The following KCNK10 variants were observed in gnomAD, a reference collection of about 807,000 sequenced individuals.
KCNK10 encodes the protein potassium channel subfamily K member 10.
Under a neutral mutation model 47.7 loss-of-function variants are expected in KCNK10, and 25 were observed. The ratio of observed to expected loss-of-function variants is 0.52; its 90% CI spans 0.38 to 0.73. The LOEUF is 0.73. KCNK10 is among the 30% of genes least tolerant of loss of function. The pLI is 0.00. For synonymous variants in KCNK10, 303 were observed against 285.6 expected (o/e 1.06, Z -0.61); for missense variants, 563 against 714.5 (o/e 0.79, Z 2.42).
chr14:88,182,854 G>A lies in KCNK10; in HGVS notation c.*2681C>T, dbSNP rs553734218. The A allele has an allele frequency of 6.6e-6, 1 of 152,336 alleles. No individual in the cohort carries two copies. The highest frequency in any genetic ancestry group is 1.5e-5 in the Non-Finnish European group (1 of 68,038). The allele number at this position is 152,336 out of a possible 1,614,324, so 9.4% of individuals were successfully genotyped here. On this transcript the variant is annotated 3_prime_UTR_variant, in exon 7 of 7. Coordinates refer to ENST00000319231, the MANE Select transcript of KCNK10 (RefSeq NM_138317.3). ...AAGTTAGCAAGTAAAGTGCAAAAGA[G>A]TGCTTTCAAAGGGCATTTTTTAAAG...
intron 1 of KCNK10, among the ~76,000 whole-genome samples, chr14:88,270,135 G>A (rs982224247): frequency 6.6e-6 from 1 of 152,072 alleles, no homozygotes; most frequent in South Asian, 2.1e-4. Context: ...CTCTAGGTCT[G>A]GAATCATTCC....
At chr14:88,321,335 C>T (rs1205844449) in intron 1 of KCNK10, among the ~76,000 whole-genome samples, 1 of 152,234 alleles carries the variant, frequency 6.6e-6, no homozygotes, top group African/African-American at 2.4e-5. Flanking sequence ...CTATCAGACA[C>T]TTTCTTAAAC....
chr14:88,244,725 C>A (rs1886579969), intron 2 of KCNK10, among the ~76,000 whole-genome samples: 1 of 152,034 alleles, frequency 6.6e-6, no homozygotes, highest in Non-Finnish European at 1.5e-5. Context: ...GGAGGGCAGC[C>A]CATTAGAATG....
intron 1 of KCNK10, among the ~76,000 whole-genome samples, chr14:88,304,590 G>T (rs578033520): frequency 6.6e-6 from 1 of 152,276 alleles, no homozygotes; most frequent in East Asian, 1.9e-4. Flanking sequence ...CTTCTTGTTC[G>T]AGCGCTCATG....
chr14:88,234,286 A>C (rs1192474599), intron 3 of KCNK10, among the ~76,000 whole-genome samples: 2 of 152,228 alleles, frequency 1.3e-5, no homozygotes, highest in Non-Finnish European at 2.9e-5. Context: ...GAATACTTTT[A>C]ATAGCTAACA....
At chr14:88,325,832 T>C (rs1260551005), upstream of KCNK10, among the ~76,000 whole-genome samples, 1 of 152,190 alleles carries the variant, frequency 6.6e-6, no homozygotes, top group African/African-American at 2.4e-5. Flanking sequence ...CAAACATTTA[T>C]TGAGCATCAC....
intron 1 of KCNK10, among the ~76,000 whole-genome samples, chr14:88,268,101 T>C (rs932967090): frequency 6.6e-6 from 1 of 152,132 alleles, no homozygotes; most frequent in African/African-American, 2.4e-5. Context: ...CACTAGACTC[T>C]ATGTAAGTCT....
At chr14:88,201,259 C>T (rs1341028018) in intron 4 of KCNK10, among the ~76,000 whole-genome samples, 2 of 152,148 alleles carry the variant, frequency 1.3e-5, no homozygotes. Context: ...GTGTTGTGGA[C>T]AAATAAATGC....
At chr14:88,326,275 A>T (rs115369712), upstream of KCNK10, 1,820 of 661,954 alleles carry the variant, frequency 2.7e-3, 22 homozygotes, top group African/African-American at 0.03. Context: ...CTCCTCCTCA[A>T]CTGCGTATTT....
intron 5 of KCNK10, among the ~76,000 whole-genome samples, chr14:88,189,989 G>A (rs11159844): frequency 2.0e-5 from 3 of 152,308 alleles, no homozygotes; most frequent in East Asian, 3.9e-4. Flanking sequence ...CAGGACAAAG[G>A]AAATATGGCT....
chr14:88,296,497 C>T lies in KCNK10; in HGVS notation c.52+26250G>A, dbSNP rs577249316. On this transcript the variant is annotated intron_variant, in intron 1 of 6. Transcript: ENST00000319231. ...CTTTACCATCATTAGGTATACACAC[C>T]GAGCCTAATCTCTCTTGGTATGAGT... is the stretch of plus-strand genomic sequence containing the variant. 3.9e-4 allele frequency among the ~76,000 whole-genome samples: 44 copies of T among 111,462 alleles called. No individual in the cohort carries two copies. In the South Asian group the frequency reaches 0.012, roughly 30 times the overall value. The allele number at this position is 111,462 out of a possible 152,430, so 73.1% of individuals were successfully genotyped here. A position where few individuals can be genotyped will look rare whatever the true frequency, so the allele number is the denominator to read the frequency against.
intron 3 of KCNK10, among the ~76,000 whole-genome samples, chr14:88,230,944 GTTA>G (rs1886143093): frequency 6.6e-6 from 1 of 152,166 alleles, no homozygotes; most frequent in Non-Finnish European, 1.5e-5. Flanking sequence ...CTCAGTAAAT[GTTA>G]GCCATGGTGA....
chr14:88,284,871 G>C (rs1261871355), intron 1 of KCNK10, among the ~76,000 whole-genome samples: 1 of 152,042 alleles, frequency 6.6e-6, no homozygotes, highest in Non-Finnish European at 1.5e-5. Flanking sequence ...CCTCTCTACT[G>C]TTCACTCTCA....
intron 1 of KCNK10, among the ~76,000 whole-genome samples, 176 bp from the exon 2 acceptor site, chr14:88,263,727 G>C (rs1185754437): frequency 6.6e-6 from 1 of 151,750 alleles, no homozygotes; most frequent in Non-Finnish European, 1.5e-5. Flanking sequence ...GTACCCATTT[G>C]AGTTCTAAAA....
chr14:88,294,336 G>T (rs1223780308), intron 1 of KCNK10, among the ~76,000 whole-genome samples: 1 of 152,256 alleles, frequency 6.6e-6, no homozygotes, highest in Non-Finnish European at 1.5e-5. Context: ...ACAGAGGAGG[G>T]TCTGCAGCCT....
At chr14:88,305,208 AAAG>A (rs780121523) in intron 1 of KCNK10, among the ~76,000 whole-genome samples, 59 of 152,164 alleles carry the variant, frequency 3.9e-4, no homozygotes, top group Non-Finnish European at 4.1e-4. Context: ...TCGAAAAAAA[AAAG>A]AAGAAGAAGA....
chr14:88,219,287 G>C (rs1306298002), intron 4 of KCNK10, among the ~76,000 whole-genome samples: 2 of 152,178 alleles, frequency 1.3e-5, no homozygotes, highest in Non-Finnish European at 2.9e-5. Flanking sequence ...TACTATTCTT[G>C]GAGATAAAAG....
rs141781681 is a variant in KCNK10, at chr14:88,313,365, T to C, written c.52+9382A>G. Among the ~76,000 whole-genome samples the C allele has an allele frequency of 5.3e-3, 801 of 152,352 alleles. 3 individuals carry two copies. The highest frequency in any genetic ancestry group is 8.3e-3 in the Non-Finnish European group (568 of 68,026). On this transcript the variant is annotated intron_variant, in intron 1 of 6. Coordinates refer to ENST00000319231, the MANE Select transcript of KCNK10 (RefSeq NM_138317.3). ...GTGATCACCCCCACCACTCCCCAGA[T>C]GTGGACTAACTTTAGTGACTGGCGT...
intron 1 of KCNK10, among the ~76,000 whole-genome samples, chr14:88,304,835 C>T (rs1888174098): frequency 6.6e-6 from 1 of 152,104 alleles, no homozygotes; most frequent in Non-Finnish European, 1.5e-5. Flanking sequence ...AACAAATCAA[C>T]AGTATATATG....
Sources: gnomAD v4.1 joint callset for allele counts (sites outside exome capture counted in the v4.1 genomes callset) on GRCh38, gnomAD v4.1.1 for gene constraint, MANE v1.5 for transcripts, NCBI Gene and HGNC (gene_info 2026-07-23, HGNC 2026-07-21) for gene names.